The following ZNF385D variants were observed in gnomAD, a reference collection of about 807,000 sequenced individuals.
The protein encoded by ZNF385D is zinc finger protein 659.
A neutral mutation model predicts 35.8 loss-of-function variants in ZNF385D; 15 were observed. The observed-to-expected ratio is 0.42, with a 90% confidence interval of 0.28 to 0.64. ZNF385D has a LOEUF of 0.64. Among genes scored for constraint, ZNF385D ranks in the 30% least tolerant of loss-of-function variants. The pLI, the probability that ZNF385D is intolerant of heterozygous loss-of-function variation, is 0.23. For synonymous variants in ZNF385D, 212 were observed against 186.8 expected (o/e 1.13, Z -1.10); for missense variants, 474 against 494.6 (o/e 0.96, Z 0.39).
chr3:21,545,036 G>T (rs2062324030), intron 3 of ZNF385D, among the ~76,000 whole-genome samples: 1 of 152,186 alleles, frequency 6.6e-6, no homozygotes, highest in Admixed American at 6.5e-5. Context: ...TTCGAAAATT[G>T]TATGGGATTT....
At chr3:21,424,741 A>G (rs974283457) in intron 6 of ZNF385D, among the ~76,000 whole-genome samples, 2 of 146,500 alleles carry the variant, frequency 1.4e-5, no homozygotes, top group African/African-American at 5.1e-5. Context: ...TGTCTAAAGG[A>G]ATTTTACATG....
At chr3:21,861,001 T>A (rs1697021457) in intron 3 of ZNF385D, among the ~76,000 whole-genome samples, 1 of 152,176 alleles carries the variant, frequency 6.6e-6, no homozygotes, top group South Asian at 2.1e-4. Flanking sequence ...AAAGGTTTGA[T>A]TAAGTTACCT....
intron 2 of ZNF385D, among the ~76,000 whole-genome samples, chr3:22,314,860 C>T (rs984793953): frequency 6.6e-6 from 1 of 151,940 alleles, no homozygotes; most frequent in Admixed American, 6.6e-5. Flanking sequence ...ACAGGGTCAG[C>T]CCCCCAAAAA....
intron 2 of ZNF385D, among the ~76,000 whole-genome samples, chr3:22,270,293 G>T (rs911977598): frequency 2.0e-5 from 3 of 151,864 alleles, no homozygotes; most frequent in Non-Finnish European, 4.4e-5. Flanking sequence ...TATAACCAGG[G>T]GCTTTAGGAC....
chr3:21,775,776 T>C (rs539726497), intron 3 of ZNF385D, among the ~76,000 whole-genome samples: 28 of 151,962 alleles, frequency 1.8e-4, no homozygotes, highest in African/African-American at 6.7e-4. Flanking sequence ...CTAGAGTAAA[T>C]TTTTAGATTG....
At chr3:22,254,327 ATTTAAT>A (rs1700208033) in intron 2 of ZNF385D, among the ~76,000 whole-genome samples, 1 of 151,900 alleles carries the variant, frequency 6.6e-6, no homozygotes, top group African/African-American at 2.4e-5. Flanking sequence ...GTATGTATAT[ATTTAAT>A]TTTATTTTTC....
In ZNF385D at chr3:21,791,872, T is replaced by C. The variant is rs1439337102; in HGVS notation, c.326-126844A>G. ...GCCTCAGCCTCCCGAGTAGCTGGGATTACAGGCACGTGCCACCACGCCCAG... is the reference window on the plus strand; with the variant it reads ...GCCTCAGCCTCCCGAGTAGCTGGGACTACAGGCACGTGCCACCACGCCCAG... On this transcript the variant is annotated intron_variant, in intron 3 of 5. Transcript: ENST00000494108. Among the ~76,000 whole-genome samples, 6 of 152,152 alleles carry C rather than the reference T, an allele frequency of 3.9e-5. No individual in the cohort carries two copies. The East Asian group carries it at 7.8e-4, about 20-fold the overall frequency.
chr3:22,035,931 G>GTTT (rs35098442), intron 3 of ZNF385D, among the ~76,000 whole-genome samples: 15 of 151,402 alleles, frequency 9.9e-5, no homozygotes, highest in South Asian at 4.2e-4. Context: ...TACTTTCACA[G>GTTT]TTTTTTTTTC....
chr3:21,596,685 C>T (rs1185923940), intron 2 of ZNF385D, among the ~76,000 whole-genome samples: 2 of 149,564 alleles, frequency 1.3e-5, no homozygotes, highest in Non-Finnish European at 3.0e-5. Context: ...TACTGTGTTG[C>T]CCAGGTTGGT....
At chr3:21,701,380 T>C (rs963130830) in intron 1 of ZNF385D, among the ~76,000 whole-genome samples, 2 of 152,018 alleles carry the variant, frequency 1.3e-5, no homozygotes, top group African/African-American at 2.4e-5. Flanking sequence ...TTCACCATCA[T>C]GAGAATAGCA....
At chr3:22,068,731 C>G (rs1438828839) in intron 3 of ZNF385D, among the ~76,000 whole-genome samples, 3 of 152,130 alleles carry the variant, frequency 2.0e-5, no homozygotes, top group Non-Finnish European at 4.4e-5. Flanking sequence ...TAGTTAAACC[C>G]TGATTGAACT....
intron 2 of ZNF385D, among the ~76,000 whole-genome samples, chr3:22,222,197 G>A (rs954434401): frequency 6.6e-6 from 1 of 151,878 alleles, no homozygotes; most frequent in African/African-American, 2.4e-5. Flanking sequence ...GGCTGGTCCT[G>A]TCCTCAAATG....
intron 3 of ZNF385D, among the ~76,000 whole-genome samples, chr3:21,990,561 T>C (rs1180584786): frequency 6.6e-6 from 1 of 152,226 alleles, no homozygotes; most frequent in Non-Finnish European, 1.5e-5. Flanking sequence ...CAATTATCAG[T>C]AATTATATTT....
At chr3:21,595,269 C>T (rs1449081048) in intron 2 of ZNF385D, among the ~76,000 whole-genome samples, 1 of 152,052 alleles carries the variant, frequency 6.6e-6, no homozygotes, top group Non-Finnish European at 1.5e-5. Context: ...CAGTTCTTTA[C>T]TTCAACCTCC....
intron 2 of ZNF385D, among the ~76,000 whole-genome samples, chr3:22,267,253 C>A (rs1200668743): frequency 6.6e-6 from 1 of 151,856 alleles, no homozygotes; most frequent in Non-Finnish European, 1.5e-5. Context: ...AAATAACATA[C>A]AGAGTATAAA....
upstream of ZNF385D, among the ~76,000 whole-genome samples, chr3:21,752,700 A>G (rs1477924252): frequency 5.9e-5 from 9 of 152,224 alleles, no homozygotes; most frequent in Admixed American, 3.3e-4. Context: ...TCTTTTAGAA[A>G]TACTCTTAAT....
intron 3 of ZNF385D, among the ~76,000 whole-genome samples, chr3:21,774,420 C>T (rs2071203281): frequency 6.6e-6 from 1 of 151,632 alleles, no homozygotes; most frequent in Non-Finnish European, 1.5e-5. Context: ...ACATGTACCC[C>T]CAAATTTAAA....
At chr3:21,814,764 G>C (rs989300369) in intron 3 of ZNF385D, among the ~76,000 whole-genome samples, 1 of 152,108 alleles carries the variant, frequency 6.6e-6, no homozygotes, top group African/African-American at 2.4e-5. Context: ...GTCAACATTA[G>C]ACAGATCAAT....
rs184001903 is a variant in ZNF385D, at chr3:21,996,670, A to G, written c.325+172147T>C. 4.6e-3 allele frequency among the ~76,000 whole-genome samples: 707 copies of G among 152,278 alleles called. 4 individuals carry two copies. Among genetic ancestry groups the G allele is most frequent in the Non-Finnish European group, 7.3e-3 (499 of 68,018 alleles). ...GTTGTTCAGACTTCAACTTACATAC[A>G]TTTTTTTAAAATCACTTCTCATTCA... On this transcript the variant is annotated intron_variant, in intron 3 of 5. Transcript: ENST00000494108.
Sources: gnomAD v4.1 joint callset for allele counts (sites outside exome capture counted in the v4.1 genomes callset) on GRCh38, gnomAD v4.1.1 for gene constraint, MANE v1.5 for transcripts, NCBI Gene and HGNC (gene_info 2026-07-23, HGNC 2026-07-21) for gene names.